The following SOX5 variants were observed in gnomAD, a reference collection of about 807,000 sequenced individuals.
SOX5 encodes the protein transcription factor SOX-5.
SOX5 carries 9 observed loss-of-function variants against 92.0 expected under a neutral mutation model. That is an observed-to-expected ratio of 0.10 (90% CI 0.06 to 0.17). The LOEUF (loss-of-function observed/expected upper bound fraction) is 0.17. SOX5 is among the 10% of genes least tolerant of loss of function. SOX5 has a pLI of 1.00. For synonymous variants in SOX5, 344 were observed against 336.3 expected, an observed-to-expected ratio of 1.02 and a Z score of -0.25; for missense variants, 642 against 944.5, an observed-to-expected ratio of 0.68 and a Z score of 4.20.
intron 4 of SOX5, among the ~76,000 whole-genome samples, chr12:23,741,752 T>C (rs2093805314): frequency 6.6e-6 from 1 of 152,198 alleles, no homozygotes; most frequent in African/African-American, 2.4e-5. Context: ...ATATAGCAAT[T>C]GTGAGATAAT....
intron 4 of SOX5, among the ~76,000 whole-genome samples, chr12:23,982,984 T>C (rs912490206): frequency 1.6e-4 from 24 of 152,052 alleles, no homozygotes; most frequent in Non-Finnish European, 2.8e-4. Context: ...TTCTCGGCCT[T>C]CACCAGCACT....
chr12:23,660,710 A>AC (rs2082924409), intron 7 of SOX5, among the ~76,000 whole-genome samples: 1 of 152,086 alleles, frequency 6.6e-6, no homozygotes, highest in Non-Finnish European at 1.5e-5. Flanking sequence ...AGGTTAAAAA[A>AC]AAAAAATCAC....
In SOX5 at chr12:24,334,382, A is replaced by G. The variant is rs545243915; in HGVS notation, c.-174+34181T>C. 5.3e-5 allele frequency among the ~76,000 whole-genome samples: 8 copies of G among 152,270 alleles called. No homozygotes were observed. The South Asian group carries it at 1.7e-3, about 32-fold the overall frequency. ...TAAAATCATATTCTATATCCCCCAA[A>G]AAATAAACAAAGGATGTGAACAGAA... On this transcript the variant is annotated intron_variant, in intron 2 of 4. Coordinates refer to the SOX5 transcript ENST00000446891.
intron 1 of SOX5, among the ~76,000 whole-genome samples, chr12:24,431,542 TTC>T (rs1938323112): frequency 6.6e-6 from 1 of 152,138 alleles, no homozygotes; most frequent in African/African-American, 2.4e-5. Context: ...TTATTTTGTG[TTC>T]TTTTGTTTTT....
At chr12:24,168,828 G>C (rs910054760) in intron 4 of SOX5, among the ~76,000 whole-genome samples, 1 of 152,208 alleles carries the variant, frequency 6.6e-6, no homozygotes, top group African/African-American at 2.4e-5. Context: ...GCATGTGCCT[G>C]TAGGTCAAAG....
chr12:23,567,942 A>G lies in SOX5; in HGVS notation c.1343-4539T>C, dbSNP rs555619725. On this transcript the variant is annotated intron_variant, in intron 10 of 14. Transcript: ENST00000451604. ...TAAAAGGAAAGTAGTAATGGCTGCT[A>G]TACAAGGAAAGAAAATAAAATACAA... Among the ~76,000 whole-genome samples, 5 of 152,324 alleles carry G rather than the reference A, an allele frequency of 3.3e-5. No individual in the cohort carries two copies. The East Asian group carries it at 5.8e-4, about 18-fold the overall frequency.
chr12:23,819,830 T>C (rs1268368396), intron 3 of SOX5, among the ~76,000 whole-genome samples: 1 of 152,204 alleles, frequency 6.6e-6, no homozygotes, highest in African/African-American at 2.4e-5. Flanking sequence ...CAGTCTAACA[T>C]TGATGGGCAT....
chr12:23,905,327 T>C (rs2097280551), intron 1 of SOX5, among the ~76,000 whole-genome samples: 1 of 152,198 alleles, frequency 6.6e-6, no homozygotes, highest in African/African-American at 2.4e-5. Flanking sequence ...GTTTTCTTAG[T>C]GCTTCACTAA....
chr12:23,844,227 TGAGA>T (rs2096550463), intron 3 of SOX5, among the ~76,000 whole-genome samples: 1 of 152,194 alleles, frequency 6.6e-6, no homozygotes. Flanking sequence ...TGCCCAGCAA[TGAGA>T]GAGAGTATCC....
At chr12:24,472,221 T>C (rs1383664269) in intron 1 of SOX5, among the ~76,000 whole-genome samples, 1 of 152,106 alleles carries the variant, frequency 6.6e-6, no homozygotes, top group African/African-American at 2.4e-5. Context: ...CCAGAGGAAG[T>C]CTGGGTTCTC....
intron 1 of SOX5, among the ~76,000 whole-genome samples, chr12:24,403,037 T>C (rs1962119413): frequency 1.3e-5 from 2 of 152,208 alleles, no homozygotes; most frequent in Non-Finnish European, 2.9e-5. Context: ...TCCCATGATA[T>C]CACTCCCACC....
intron 4 of SOX5, among the ~76,000 whole-genome samples, chr12:24,122,993 A>T (rs1565481608): frequency 6.6e-6 from 1 of 152,236 alleles, no homozygotes; most frequent in African/African-American, 2.4e-5. Context: ...AAGCTCCCCA[A>T]CAAAAGCCAA....
chr12:23,882,945 G>T (rs1284108274), intron 2 of SOX5, among the ~76,000 whole-genome samples: 1 of 152,058 alleles, frequency 6.6e-6, no homozygotes, highest in Non-Finnish European at 1.5e-5. Flanking sequence ...ATTTTGGAAG[G>T]CCGAGGCAGG....
chr12:23,709,162 C>T (rs1039161977), intron 6 of SOX5, among the ~76,000 whole-genome samples: 6 of 152,076 alleles, frequency 3.9e-5, no homozygotes, highest in South Asian at 2.1e-4. Context: ...AGTGCAGTGA[C>T]GTGATCAGAG....
At chr12:23,670,367 G>A (rs1182695799) in intron 6 of SOX5, among the ~76,000 whole-genome samples, 1 of 152,140 alleles carries the variant, frequency 6.6e-6, no homozygotes, top group Non-Finnish European at 1.5e-5. Flanking sequence ...TGAGAGGTGA[G>A]GAGAGACATT....
intron 4 of SOX5, among the ~76,000 whole-genome samples, chr12:24,174,922 CAGGA>C (rs752595920): frequency 1.3e-5 from 2 of 152,174 alleles, no homozygotes; most frequent in Non-Finnish European, 1.5e-5. Flanking sequence ...AGTGCAGAAA[CAGGA>C]AGGGGGTACC....
At chr12:23,657,252 A>C (rs192182045) in intron 7 of SOX5, among the ~76,000 whole-genome samples, 248 of 152,272 alleles carry the variant, frequency 1.6e-3, no homozygotes, top group South Asian at 0.013. Context: ...GTTACCATAT[A>C]AGCGATGCTT....
intron 1 of SOX5, among the ~76,000 whole-genome samples, chr12:24,509,604 C>T (rs764602787): frequency 2.0e-5 from 3 of 151,950 alleles, no homozygotes; most frequent in Admixed American, 6.6e-5. Flanking sequence ...TGCCATTGAC[C>T]CAATAAATAG....
chr12:23,630,195 C>T (rs527771019), intron 8 of SOX5, among the ~76,000 whole-genome samples: 1 of 151,868 alleles, frequency 6.6e-6, no homozygotes, highest in African/African-American at 2.4e-5. Context: ...TAGTTAGAGG[C>T]AGCACATAGA....
Sources: gnomAD v4.1 joint callset for allele counts (sites outside exome capture counted in the v4.1 genomes callset) on GRCh38, gnomAD v4.1.1 for gene constraint, MANE v1.5 for transcripts, NCBI Gene and HGNC (gene_info 2026-07-23, HGNC 2026-07-21) for gene names.